The following SPMIP9 variants were observed in gnomAD, a reference collection of about 807,000 sequenced individuals.
SPMIP9 encodes sperm microtubule inner protein 9, also known as protein SPMIP9.
the SPMIP9 span, chr2:88,529,429 C>A: frequency 1.3e-5 from 21 of 1,613,894 alleles, no homozygotes; most frequent in Non-Finnish European, 1.5e-5. Flanking sequence ...TAGTCAAGGT[C>A]CCCATCTTGA....
At chr2:88,529,216 G>A in the SPMIP9 span, 21 of 1,614,050 alleles carry the variant, frequency 1.3e-5, no homozygotes, top group East Asian at 6.7e-5. Context: ...ATGAGGCCAC[G>A]AGGGAGGACG....
chr2:88,527,004 G>A, the SPMIP9 span, among the ~76,000 whole-genome samples: 254 of 152,252 alleles, frequency 1.7e-3, 1 homozygote, highest in South Asian at 6.0e-3. Flanking sequence ...AATACGTCAT[G>A]CATACAAAAA....
At chr2:88,527,694 G>T in the SPMIP9 span, among the ~76,000 whole-genome samples, 2 of 152,220 alleles carry the variant, frequency 1.3e-5, no homozygotes, top group South Asian at 2.1e-4. Context: ...GGACATTTGG[G>T]TGCTTTATTC....
the SPMIP9 span, among the ~76,000 whole-genome samples, chr2:88,525,272 T>C: frequency 1.3e-5 from 2 of 152,194 alleles, no homozygotes; most frequent in Non-Finnish European, 2.9e-5. Flanking sequence ...ACCACAGAAA[T>C]TGGCAGATGC....
chr2:88,525,794 T>G, the SPMIP9 span: 6 of 968,406 alleles, frequency 6.2e-6, no homozygotes, highest in South Asian at 1.5e-5. Flanking sequence ...TTGGGTTTTG[T>G]GGGTTTTTTT....
At chr2:88,528,580 C>A in the SPMIP9 span, among the ~76,000 whole-genome samples, 3 of 152,138 alleles carry the variant, frequency 2.0e-5, no homozygotes, top group African/African-American at 7.2e-5. Context: ...TTATCATTTT[C>A]TCTTTTCAAG....
chr2:88,524,807 G>A, the SPMIP9 span: 1 of 152,470 alleles, frequency 6.6e-6, no homozygotes. Context: ...GGGGATACAG[G>A]TGTTGGTTGA....
At chr2:88,529,344 C>A in the SPMIP9 span, 2 of 1,614,156 alleles carry the variant, frequency 1.2e-6, no homozygotes, top group Non-Finnish European at 1.7e-6. Flanking sequence ...CTCGTGGATC[C>A]CAAACACCAG....
the SPMIP9 span, chr2:88,529,221 A>G: frequency 6.2e-7 from 1 of 1,614,178 alleles, no homozygotes. Context: ...GCCACGAGGG[A>G]GGACGAGCGC....
the SPMIP9 span, chr2:88,525,699 T>C: frequency 1.2e-6 from 2 of 1,613,612 alleles, no homozygotes; most frequent in African/African-American, 2.7e-5. Context: ...CTGTCCCCTG[T>C]GACGGTCTCA....
At chr2:88,526,582 AT>A in the SPMIP9 span, 2 of 1,059,744 alleles carry the variant, frequency 1.9e-6, no homozygotes, top group Non-Finnish European at 2.9e-6. Flanking sequence ...AAATGTGGAC[AT>A]TTGGGCCCTT....
the SPMIP9 span, chr2:88,526,460 A>G: frequency 6.2e-7 from 1 of 1,614,126 alleles, no homozygotes; most frequent in Non-Finnish European, 8.5e-7. Flanking sequence ...TATCAGCCCT[A>G]CAGGAAGCAC....
the SPMIP9 span, chr2:88,529,426 G>A: frequency 6.2e-6 from 10 of 1,613,936 alleles, no homozygotes; most frequent in Non-Finnish European, 8.5e-7. Context: ...ATATAGTCAA[G>A]GTCCCCATCT....
At chr2:88,529,375 AG>A in the SPMIP9 span, 1 of 1,614,134 alleles carries the variant, frequency 6.2e-7, no homozygotes, top group Non-Finnish European at 8.5e-7. Context: ...AGATGGCCAA[AG>A]GCTACCTGCT....
At chr2:88,527,685 G>A in the SPMIP9 span, among the ~76,000 whole-genome samples, 1 of 152,070 alleles carries the variant, frequency 6.6e-6, no homozygotes, top group Admixed American at 6.6e-5. Flanking sequence ...CTTATTGGTG[G>A]ACATTTGGGT....
the SPMIP9 span, chr2:88,525,793 G>GT: frequency 1.0e-6 from 1 of 968,044 alleles, no homozygotes; most frequent in Non-Finnish European, 1.5e-6. Flanking sequence ...TTTGGGTTTT[G>GT]TGGGTTTTTT....
the SPMIP9 span, chr2:88,529,181 C>T: frequency 1.2e-6 from 2 of 1,614,192 alleles, no homozygotes; most frequent in East Asian, 2.2e-5. Flanking sequence ...CCTGGGACTC[C>T]CCGGCTTCTT....
the SPMIP9 span, chr2:88,526,589 C>A: frequency 1.0e-6 from 1 of 989,522 alleles, no homozygotes; most frequent in Non-Finnish European, 1.6e-6. Context: ...GACATTTGGG[C>A]CCTTGTTAGA....
chr2:88,529,560 A>G, the SPMIP9 span: 9 of 1,228,986 alleles, frequency 7.3e-6, no homozygotes, highest in East Asian at 1.9e-4. Context: ...AACTGAAAAT[A>G]AAACTGGAAA....
Sources: gnomAD v4.1 joint callset for allele counts (sites outside exome capture counted in the v4.1 genomes callset) on GRCh38, gnomAD v4.1.1 for gene constraint, MANE v1.5 for transcripts, NCBI Gene and HGNC (gene_info 2026-07-23, HGNC 2026-07-21) for gene names.